Variants in PPP1R12A observed in about 807,000 individuals in gnomAD.
PPP1R12A encodes protein phosphatase 1 regulatory subunit 12A.
Under a neutral mutation model 139.6 loss-of-function variants are expected in PPP1R12A, and 19 were observed. That is an observed-to-expected ratio of 0.14 (90% confidence interval 0.09 to 0.20). The LOEUF is 0.20. Ranked by LOEUF, PPP1R12A falls within the 10% of genes least tolerant of loss-of-function variation. The pLI, the probability that PPP1R12A is intolerant of heterozygous loss-of-function variation, is 1.00. For synonymous variants in PPP1R12A, 427 were observed against 420.6 expected (o/e 1.02, Z -0.19); for missense variants, 925 against 1,211.5 (o/e 0.76, Z 3.51).
At chr12:79,932,231 T>C (rs569804713) in intron 1 of PPP1R12A, among the ~76,000 whole-genome samples, 9 of 152,222 alleles carry the variant, frequency 5.9e-5, no homozygotes, top group Non-Finnish European at 1.3e-4. Context: ...CAATTAAGTA[T>C]GGAAAACAAG....
At chr12:79,843,639 T>C (rs1879035960) in intron 3 of PPP1R12A, among the ~76,000 whole-genome samples, 2 of 147,268 alleles carry the variant, frequency 1.4e-5, no homozygotes, top group South Asian at 4.2e-4. Flanking sequence ...GATATAGATA[T>C]AGATATAGAT....
chr12:79,922,151 A>G (rs1174699089), intron 1 of PPP1R12A, among the ~76,000 whole-genome samples: 3 of 152,118 alleles, frequency 2.0e-5, no homozygotes. Flanking sequence ...AGTCTCAGCT[A>G]CTCAAAAGGC....
At chr12:79,817,291 T>C in intron 9 of PPP1R12A, 103 bp downstream of exon 9, 1 of 1,030,008 alleles carries the variant, frequency 9.7e-7, no homozygotes, top group Middle Eastern at 2.9e-4. Context: ...ATCTTACATA[T>C]TTTTGGAACA....
At chr12:79,833,794 G>A (rs374000850) in intron 3 of PPP1R12A, among the ~76,000 whole-genome samples, 62 of 143,414 alleles carry the variant, frequency 4.3e-4, no homozygotes, top group African/African-American at 1.5e-3. Flanking sequence ...CCAAGATCAC[G>A]CCACTGCACT....
chr12:79,920,635 C>T (rs991343613), intron 1 of PPP1R12A, among the ~76,000 whole-genome samples: 17 of 152,080 alleles, frequency 1.1e-4, no homozygotes, highest in South Asian at 4.1e-4. Flanking sequence ...TGGATTAATC[C>T]ACTCATGGAT....
chr12:79,835,398 G>C (rs995147314), intron 3 of PPP1R12A, among the ~76,000 whole-genome samples: 1 of 152,092 alleles, frequency 6.6e-6, no homozygotes, highest in Non-Finnish European at 1.5e-5. Context: ...TGTGTCAGTT[G>C]CTCCTAATAA....
chr12:79,853,885 T>G (rs941853812), intron 2 of PPP1R12A, among the ~76,000 whole-genome samples: 2 of 152,224 alleles, frequency 1.3e-5, no homozygotes, highest in African/African-American at 4.8e-5. Context: ...CAATGAATCT[T>G]AAAATCAATG....
intron 1 of PPP1R12A, among the ~76,000 whole-genome samples, chr12:79,879,252 T>A (rs748232947): frequency 8.0e-4 from 122 of 151,684 alleles, no homozygotes; most frequent in Non-Finnish European, 1.2e-3. Context: ...CGGTGGCACA[T>A]GCTACTTGAG....
intron 1 of PPP1R12A, among the ~76,000 whole-genome samples, chr12:79,924,230 A>G (rs1887661703): frequency 6.6e-6 from 1 of 152,168 alleles, no homozygotes; most frequent in Admixed American, 6.5e-5. Context: ...TTAAACAGCA[A>G]TAGGCATTTT....
chr12:79,792,905 T>A (rs781140408), intron 19 of PPP1R12A, among the ~76,000 whole-genome samples: 9 of 152,174 alleles, frequency 5.9e-5, no homozygotes, highest in Non-Finnish European at 1.0e-4. Context: ...AATTCACTCC[T>A]CATTGTCTGG....
chr12:79,815,677 TTTAA>T (rs1379455843), intron 9 of PPP1R12A, among the ~76,000 whole-genome samples: 5 of 152,156 alleles, frequency 3.3e-5, no homozygotes, highest in East Asian at 1.9e-4. Context: ...TAAAATAAAC[TTTAA>T]TTAAAGCAGT....
chr12:79,931,782 G>A (rs977816701), intron 1 of PPP1R12A, among the ~76,000 whole-genome samples: 1 of 152,056 alleles, frequency 6.6e-6, no homozygotes. Context: ...AGCTTTGGGG[G>A]TCAGGTCCTG....
rs189826266 is a variant in PPP1R12A at position 79,848,531 on chromosome 12, T to G, written c.369-3111A>C. Among the ~76,000 whole-genome samples, 15 of 152,128 alleles carry G rather than the reference T, an allele frequency of 9.9e-5. No individual in the cohort carries two copies. The East Asian group carries it at 2.5e-3, about 26-fold the overall frequency. On this transcript the variant is annotated intron_variant, in intron 2 of 24. Coordinates refer to ENST00000450142, the MANE Select transcript of PPP1R12A (RefSeq NM_002480.3). ...AAAGCCAAATACGGACAATACAGAA[T>G]TTATATAAACAGGAAGGATGTTAAG... is the stretch of plus-strand genomic sequence containing the variant.
intron 1 of PPP1R12A, among the ~76,000 whole-genome samples, chr12:79,922,741 G>A (rs574339294): frequency 6.6e-6 from 1 of 152,178 alleles, no homozygotes; most frequent in Non-Finnish European, 1.5e-5. Context: ...TGCATGCAGG[G>A]CTTAAAACCT....
chr12:79,814,502 G>GAAAC (rs1875043894), intron 9 of PPP1R12A, among the ~76,000 whole-genome samples: 1 of 39,094 alleles, frequency 2.6e-5, no homozygotes, highest in African/African-American at 1.2e-4. Flanking sequence ...AAAAAAAAAG[G>GAAAC]ACTCCCCCTC....
chr12:79,814,675 G>T (rs1438359225), intron 9 of PPP1R12A, among the ~76,000 whole-genome samples: 1 of 149,876 alleles, frequency 6.7e-6, no homozygotes, highest in African/African-American at 2.4e-5. Flanking sequence ...AATTAGCTGG[G>T]TGTGGTGGCA....
intron 5 of PPP1R12A, among the ~76,000 whole-genome samples, chr12:79,822,695 CAT>C (rs1236999094): frequency 6.6e-6 from 1 of 152,070 alleles, no homozygotes; most frequent in African/African-American, 2.4e-5. Context: ...TTTCACTCTA[CAT>C]GTTTTCAAGG....
intron 3 of PPP1R12A, among the ~76,000 whole-genome samples, chr12:79,836,136 A>C (rs1443322537): frequency 2.0e-5 from 3 of 152,242 alleles, no homozygotes; most frequent in African/African-American, 7.2e-5. Flanking sequence ...AAATTGTATA[A>C]ACTATATATG....
chr12:79,859,839 AG>A (rs1353406767), intron 2 of PPP1R12A, among the ~76,000 whole-genome samples: 3 of 152,132 alleles, frequency 2.0e-5, no homozygotes. Context: ...GCTTAAGCCC[AG>A]GAAGTCCAGG....
Sources: allele counts gnomAD v4.1 joint callset (sites outside exome capture counted in the v4.1 genomes callset), GRCh38; gene constraint gnomAD v4.1.1; transcripts MANE v1.5; gene names NCBI Gene and HGNC (gene_info 2026-07-23, HGNC 2026-07-21).